SGCZ: variants seen among roughly 807,000 people sequenced by gnomAD.
SGCZ encodes zeta-sarcoglycan.
A neutral mutation model predicts 41.3 loss-of-function variants in SGCZ; 40 were observed. The ratio of observed to expected loss-of-function variants is 0.97; its 90% CI spans 0.75 to 1.26. The LOEUF is 1.26. SGCZ is among the 50% of genes most tolerant of loss of function. The probability of loss-of-function intolerance (pLI) is 0.00; values close to 1 mark genes in which losing one functional copy is unlikely to be tolerated. For missense variants in SGCZ, 552 were observed against 369.8 expected (o/e 1.49, Z -4.04); for synonymous variants, 206 against 137.5 (o/e 1.50, Z -3.49).
chr8:14,379,881 G>A (rs1006462286), intron 2 of SGCZ, among the ~76,000 whole-genome samples: 1 of 151,984 alleles, frequency 6.6e-6, no homozygotes, highest in African/African-American at 2.4e-5. Context: ...ACAAGAGTGT[G>A]CCACCACGCC....
intron 1 of SGCZ, among the ~76,000 whole-genome samples, chr8:14,590,691 A>G (rs186478624): frequency 8.1e-5 from 12 of 148,960 alleles, no homozygotes; most frequent in Admixed American, 1.3e-4. Flanking sequence ...TTCCTAGTAC[A>G]TATATATGTA....
At chr8:14,164,347 C>T (rs1320237568) in intron 5 of SGCZ, among the ~76,000 whole-genome samples, 1 of 152,116 alleles carries the variant, frequency 6.6e-6, no homozygotes, top group Admixed American at 6.6e-5. Context: ...TTCCCCCTGC[C>T]TCCACCTGAG....
intron 1 of SGCZ, among the ~76,000 whole-genome samples, chr8:14,706,791 A>G (rs1225859681): frequency 5.9e-5 from 9 of 152,098 alleles, no homozygotes; most frequent in Admixed American, 5.9e-4. Context: ...TAATATGACA[A>G]TATTATACTT....
At chr8:15,024,325 A>T (rs1489971107) in intron 1 of SGCZ, among the ~76,000 whole-genome samples, 3 of 152,182 alleles carry the variant, frequency 2.0e-5, no homozygotes, top group Admixed American at 1.3e-4. Flanking sequence ...AAAAAATCTC[A>T]ATTTGTTTAT....
chr8:14,756,421 G>A (rs894678153), intron 1 of SGCZ, among the ~76,000 whole-genome samples: 1 of 152,226 alleles, frequency 6.6e-6, no homozygotes, highest in African/African-American at 2.4e-5. Context: ...CCGACCTCAG[G>A]TGATCCGCCC....
chr8:14,288,876 C>T (rs1036364691), intron 3 of SGCZ, among the ~76,000 whole-genome samples: 5 of 152,068 alleles, frequency 3.3e-5, no homozygotes, highest in African/African-American at 1.2e-4. Context: ...TGGGGCTGTC[C>T]TATTTTACAT....
At position 14,359,090 on chromosome 8, in the gene SGCZ, GTAATTA is replaced by G. The variant is rs765471431; in HGVS notation, c.235-34892_235-34887del. Among the ~76,000 whole-genome samples, 242 of 151,722 alleles carry G rather than the reference GTAATTA, an allele frequency of 1.6e-3. 1 individual carries two copies. The highest frequency in any genetic ancestry group is 5.5e-3 in the African/African-American group (228 of 41,322). On this transcript the variant is annotated intron_variant, in intron 2 of 7. Coordinates refer to ENST00000382080, the MANE Select transcript of SGCZ (RefSeq NM_139167.4). ...TTTTAAAATATATTGATATCTATTG[GTAATTA>G]TAATTATGATATTCAACCTAGAGAA...
At chr8:14,778,072 C>G (rs1800468659) in intron 1 of SGCZ, among the ~76,000 whole-genome samples, 2 of 151,998 alleles carry the variant, frequency 1.3e-5, no homozygotes, top group Non-Finnish European at 2.9e-5. Context: ...TATAGGCATG[C>G]ACCATCATGC....
chr8:14,142,417 A>C (rs904773290), intron 5 of SGCZ, among the ~76,000 whole-genome samples: 5 of 152,186 alleles, frequency 3.3e-5, no homozygotes, highest in Admixed American at 2.6e-4. Context: ...GCTGGCTCTA[A>C]AGTGTTCCCA....
At chr8:14,893,976 A>T in intron 1 of SGCZ, among the ~76,000 whole-genome samples, 1 of 152,180 alleles carries the variant, frequency 6.6e-6, no homozygotes, top group Non-Finnish European at 1.5e-5. Flanking sequence ...AACACTTTTT[A>T]ACCCAGGGCA....
chr8:14,527,024 G>C (rs1454455518), intron 2 of SGCZ, among the ~76,000 whole-genome samples: 2 of 151,814 alleles, frequency 1.3e-5, no homozygotes, highest in African/African-American at 2.4e-5. Flanking sequence ...TCAATATTCT[G>C]AGACATCTCG....
At chr8:14,765,638 A>G (rs189395885) in intron 1 of SGCZ, among the ~76,000 whole-genome samples, 4 of 152,322 alleles carry the variant, frequency 2.6e-5, no homozygotes, top group South Asian at 4.1e-4. Flanking sequence ...AAAGATACAC[A>G]TAAAACTATT....
chr8:14,545,128 A>T (rs1803585080), intron 2 of SGCZ, among the ~76,000 whole-genome samples: 1 of 152,100 alleles, frequency 6.6e-6, no homozygotes, highest in Admixed American at 6.5e-5. Context: ...CACTTATGGA[A>T]AATAGAAAGA....
At chr8:14,554,709 T>G in intron 2 of SGCZ, 23 bp downstream of exon 2, 1 of 1,587,082 alleles carries the variant, frequency 6.3e-7, no homozygotes, top group African/African-American at 1.3e-5. Context: ...AGCAATAAGA[T>G]GTAAAATCAT....
intron 2 of SGCZ, among the ~76,000 whole-genome samples, chr8:14,409,689 A>C (rs894218652): frequency 1.3e-5 from 2 of 152,160 alleles, no homozygotes; most frequent in Admixed American, 6.6e-5. Flanking sequence ...CATATTTGTG[A>C]AATAACGTTT....
intron 1 of SGCZ, among the ~76,000 whole-genome samples, chr8:14,641,861 C>G (rs903190069): frequency 2.0e-5 from 3 of 151,622 alleles, no homozygotes; most frequent in South Asian, 4.1e-4. Flanking sequence ...TACTGTAATT[C>G]TATTCTTTGC....
At chr8:15,019,948 G>T (rs933046707) in intron 1 of SGCZ, among the ~76,000 whole-genome samples, 1 of 150,998 alleles carries the variant, frequency 6.6e-6, no homozygotes, top group Non-Finnish European at 1.5e-5. Flanking sequence ...TGGAGACTTA[G>T]AATCATCATT....
intron 1 of SGCZ, among the ~76,000 whole-genome samples, chr8:14,576,165 G>A (rs1393236064): frequency 1.4e-4 from 21 of 152,130 alleles, no homozygotes; most frequent in Non-Finnish European, 2.6e-4. Context: ...TTAGGTACCT[G>A]CCTTATAAAA....
At chr8:15,054,625 A>G (rs183590941) in intron 1 of SGCZ, among the ~76,000 whole-genome samples, 24 of 152,214 alleles carry the variant, frequency 1.6e-4, no homozygotes, top group Non-Finnish European at 3.5e-4. Flanking sequence ...TTCACTAGGT[A>G]TGTAACCTTT....
Sources: allele counts gnomAD v4.1 joint callset (sites outside exome capture counted in the v4.1 genomes callset), GRCh38; gene constraint gnomAD v4.1.1; transcripts MANE v1.5; gene names NCBI Gene and HGNC (gene_info 2026-07-23, HGNC 2026-07-21).